KIF16B: variants seen among roughly 807,000 people sequenced by gnomAD.
KIF16B encodes kinesin-like protein KIF16B.
Under a neutral mutation model 156.3 loss-of-function variants are expected in KIF16B, and 98 were observed. The ratio of observed to expected loss-of-function variants is 0.63; its 90% confidence interval spans 0.53 to 0.74. KIF16B has a LOEUF of 0.74. Among genes scored for constraint, KIF16B ranks in the 30% least tolerant of loss-of-function variants. The pLI, the probability that KIF16B is intolerant of heterozygous loss-of-function variation, is 0.00. For missense variants in KIF16B, 1,421 were observed against 1,606.5 expected, an observed-to-expected ratio of 0.88 and a Z score of 1.97; for synonymous variants, 564 against 583.7, an observed-to-expected ratio of 0.97 and a Z score of 0.49.
rs1406781519 is a variant in KIF16B at position 16,504,541 on chromosome 20, G to A, written c.1007C>T (p.Ser336Leu). The A allele has an allele frequency of 6.2e-7, 1 of 1,613,048 alleles. No individual in the cohort carries two copies. The highest frequency in any genetic ancestry group is 2.2e-5 in the East Asian group (1 of 44,868). The change falls in exon 10 of 26, where the codon TCA becomes TTA. Residue 336 changes from serine (S) to leucine (L), a missense_variant. Physicochemically the swap from Ser to Leu is moderately radical, Grantham distance 145. Transcript: ENST00000354981. The stretch of plus-strand genomic sequence containing the variant: ...TTCTCCATAATTGACATCAGCAGGT[G>A]AAATGGCTGTGAAGAATGTATTCAA... ...NSKTIMIATI[S>L]PADVNYGETL...
chr20:16,388,888 C>T (rs1277119557), intron 17 of KIF16B, among the ~76,000 whole-genome samples: 1 of 152,050 alleles, frequency 6.6e-6, no homozygotes, highest in Non-Finnish European at 1.5e-5. Flanking sequence ...TCGTGTTGTA[C>T]CTATGATGTC....
At chr20:16,369,099 T>A (rs762043653) in intron 22 of KIF16B, 58 of 985,744 alleles carry the variant, frequency 5.9e-5, no homozygotes, top group Non-Finnish European at 1.9e-5. Context: ...TTCTCTCTTG[T>A]GATGCTGAGG....
intron 1 of KIF16B, among the ~76,000 whole-genome samples, chr20:16,541,218 T>C (rs1288573086): frequency 6.6e-6 from 1 of 152,174 alleles, no homozygotes; most frequent in Non-Finnish European, 1.5e-5. Context: ...CATGAAAGCC[T>C]CCATCTCAAG....
chr20:16,444,461 A>T (rs1323888920), intron 12 of KIF16B, among the ~76,000 whole-genome samples: 1 of 152,214 alleles, frequency 6.6e-6, no homozygotes, highest in Non-Finnish European at 1.5e-5. Context: ...CTTTATTGGA[A>T]TACATGTTCC....
intron 25 of KIF16B, among the ~76,000 whole-genome samples, chr20:16,289,772 C>T (rs559830223): frequency 1.3e-5 from 2 of 152,222 alleles, no homozygotes; most frequent in African/African-American, 2.4e-5. Context: ...ACCCAGGAGG[C>T]GGAGGCTGCA....
Position 16,351,296 on chromosome 20 carries a change from AGT to A in KIF16B, c.3621+5032_3621+5033del, listed in dbSNP as rs529279047. On this transcript the variant is annotated intron_variant, in intron 23 of 25. Coordinates refer to ENST00000354981, the MANE Select transcript of KIF16B (RefSeq NM_024704.5). ...AACACCAGCTTATTTCTATGACATG[AGT>A]GTGATAGTCTCTGCTCGTCTTAACC... Among the ~76,000 whole-genome samples, 573 of 152,270 alleles carry A rather than the reference AGT, an allele frequency of 3.8e-3. 9 individuals are homozygous for A. Among genetic ancestry groups the A allele is most frequent in the African/African-American group, 0.013 (534 of 41,550 alleles).
chr20:16,342,024 G>A (rs184531995), intron 23 of KIF16B, among the ~76,000 whole-genome samples: 13 of 152,168 alleles, frequency 8.5e-5, no homozygotes, highest in Non-Finnish European at 1.6e-4. Context: ...TCTGTACCTG[G>A]AGAGCTCCTG....
At chr20:16,401,258 G>A (rs757981317) in intron 17 of KIF16B, among the ~76,000 whole-genome samples, 19 of 152,108 alleles carry the variant, frequency 1.2e-4, no homozygotes, top group East Asian at 5.8e-4. Flanking sequence ...TGCTTCTCCC[G>A]AATTCTCTGA....
At chr20:16,487,373 A>G (rs1249258401) in intron 12 of KIF16B, among the ~76,000 whole-genome samples, 1 of 152,184 alleles carries the variant, frequency 6.6e-6, no homozygotes, top group African/African-American at 2.4e-5. Context: ...ACAGGAATCC[A>G]GAGGACCGCA....
chr20:16,462,815 G>A (rs1433947070), intron 12 of KIF16B, among the ~76,000 whole-genome samples: 1 of 152,150 alleles, frequency 6.6e-6, no homozygotes, highest in Non-Finnish European at 1.5e-5. Flanking sequence ...AATGCCAGCA[G>A]CTGTGCCAAT....
chr20:16,284,741 C>T (rs1340913670), intron 25 of KIF16B, among the ~76,000 whole-genome samples: 1 of 152,150 alleles, frequency 6.6e-6, no homozygotes, highest in African/African-American at 2.4e-5. Context: ...TGTAGTTTGC[C>T]AATCCCTGGT....
intron 1 of KIF16B, among the ~76,000 whole-genome samples, chr20:16,533,409 T>C (rs888497971): frequency 2.6e-5 from 4 of 152,216 alleles, no homozygotes; most frequent in African/African-American, 9.6e-5. Flanking sequence ...CTGTAAATGA[T>C]TCTGATGAAC....
intron 1 of KIF16B, among the ~76,000 whole-genome samples, chr20:16,568,508 C>T (rs891841330): frequency 3.3e-5 from 5 of 152,192 alleles, no homozygotes; most frequent in African/African-American, 1.2e-4. Flanking sequence ...CTTGAACCCA[C>T]AACAGTGTTT....
intron 25 of KIF16B, among the ~76,000 whole-genome samples, chr20:16,273,994 C>T (rs957964423): frequency 6.6e-6 from 1 of 151,864 alleles, no homozygotes. Context: ...TGCCTCTCAG[C>T]CACAGTGTCA....
chr20:16,536,033 C>G (rs2069946955), intron 1 of KIF16B, among the ~76,000 whole-genome samples: 1 of 152,184 alleles, frequency 6.6e-6, no homozygotes, highest in Non-Finnish European at 1.5e-5. Flanking sequence ...GGGAAACCTG[C>G]ACTCCCATGT....
At chr20:16,335,351 A>T (rs531476077) in intron 24 of KIF16B, among the ~76,000 whole-genome samples, 2 of 152,358 alleles carry the variant, frequency 1.3e-5, no homozygotes, top group South Asian at 2.1e-4. Flanking sequence ...GTTTGTTCAA[A>T]AAGGAAAAGA....
chr20:16,292,497 C>T (rs976658797), intron 25 of KIF16B, among the ~76,000 whole-genome samples: 26 of 152,076 alleles, frequency 1.7e-4, no homozygotes, highest in African/African-American at 5.3e-4. Flanking sequence ...GAGGTTCACT[C>T]GCAAAGACCA....
chr20:16,293,929 G>A (rs1240391542), intron 25 of KIF16B, among the ~76,000 whole-genome samples: 1 of 152,038 alleles, frequency 6.6e-6, no homozygotes, highest in Non-Finnish European at 1.5e-5. Context: ...GCTGCGGGGG[G>A]TGCATGCTGG....
intron 23 of KIF16B, among the ~76,000 whole-genome samples, chr20:16,349,061 C>T (rs1260041882): frequency 6.6e-6 from 1 of 152,214 alleles, no homozygotes; most frequent in Non-Finnish European, 1.5e-5. Flanking sequence ...CAGCAGGTGG[C>T]TGGCTGGGTG....
Sources: allele counts gnomAD v4.1 joint callset (sites outside exome capture counted in the v4.1 genomes callset), GRCh38; gene constraint gnomAD v4.1.1; transcripts MANE v1.5; gene names NCBI Gene and HGNC (gene_info 2026-07-23, HGNC 2026-07-21).